CD8B: variants seen among roughly 807,000 people sequenced by gnomAD.
CD8B encodes the protein CD8 subunit beta.
A neutral mutation model predicts 24.2 loss-of-function variants in CD8B; 6 were observed. That is an observed-to-expected ratio of 0.25 (90% CI 0.14 to 0.49). CD8B has a LOEUF of 0.49. Among genes scored for constraint, CD8B ranks in the 20% least tolerant of loss-of-function variants. The pLI is 0.98. For missense variants in CD8B, 196 were observed against 271.3 expected, an observed-to-expected ratio of 0.72 and a Z score of 1.95; for synonymous variants, 84 against 108.3, an observed-to-expected ratio of 0.78 and a Z score of 1.39.
At chr2:86,817,249 G>C (rs767105957) in intron 5 of CD8B, among the ~76,000 whole-genome samples, 6 of 152,132 alleles carry the variant, frequency 3.9e-5, no homozygotes, top group Non-Finnish European at 7.3e-5. Context: ...GGGATATCTA[G>C]TAAAAATATC....
intron 2 of CD8B, 47 bp from the exon 3 acceptor site, chr2:86,853,133 G>A (rs1276083667): frequency 1.4e-5 from 21 of 1,548,146 alleles, no homozygotes; most frequent in Middle Eastern, 1.8e-4. Flanking sequence ...TGAACACCAC[G>A]TGGACTCAAA....
intron 5 of CD8B, among the ~76,000 whole-genome samples, chr2:86,832,192 GAGA>G (rs1280465678): frequency 4.6e-5 from 7 of 152,262 alleles, no homozygotes; most frequent in African/African-American, 1.7e-4. Context: ...AAAATAGTAA[GAGA>G]AGGATAGGTG....
At position 86,858,402 on chromosome 2, in the gene CD8B, A is replaced by C. The variant is rs1350377646; in HGVS notation, c.58T>G (p.Ser20Ala). ...AAQLTVLHGN[S>A]VLQQTPAYIK... ...TATGCAGGGGTCTGCTGGAGGACTG[A>C]GTTGCCATGGAGAACTAGGAAAAGC... The change falls in exon 2 of 6, where the codon TCA becomes GCA. Residue 20 changes from serine to alanine, a missense_variant. Ser to Ala is a moderately conservative substitution (Grantham distance 99). Coordinates refer to ENST00000390655, the MANE Select transcript of CD8B (RefSeq NM_004931.5). The C allele has an allele frequency of 1.4e-5, 22 of 1,592,072 alleles. No homozygotes were observed. The highest frequency in any genetic ancestry group is 1.9e-5 in the Non-Finnish European group (22 of 1,166,398).
chr2:86,821,818 G>A (rs962639657), intron 5 of CD8B: 7 of 342,228 alleles, frequency 2.0e-5, no homozygotes, highest in Admixed American at 5.6e-5. Context: ...GGAATGTTCC[G>A]AGCCCCCTGC....
intron 5 of CD8B, among the ~76,000 whole-genome samples, chr2:86,820,326 A>G (rs1674411798): frequency 1.3e-5 from 2 of 152,236 alleles, no homozygotes. Context: ...TGTGAAAGGA[A>G]GAGTCAATCA....
At chr2:86,854,044 C>G (rs985726715) in intron 2 of CD8B, among the ~76,000 whole-genome samples, 2 of 152,136 alleles carry the variant, frequency 1.3e-5, no homozygotes, top group East Asian at 3.9e-4. Flanking sequence ...CCCGGCCGAC[C>G]TACACCCCTG....
chr2:86,847,072 G>T (rs1675726712), intron 3 of CD8B, among the ~76,000 whole-genome samples: 1 of 151,614 alleles, frequency 6.6e-6, no homozygotes, highest in Non-Finnish European at 1.5e-5. Context: ...GAGTAGCTGG[G>T]ACTACAGGCA....
chr2:86,815,862 A>G, intron 5 of CD8B: 2 of 647,986 alleles, frequency 3.1e-6, no homozygotes, highest in South Asian at 3.6e-5. Context: ...CCAGGCATAT[A>G]GCACTTGATA....
chr2:86,853,171 G>C, intron 2 of CD8B, 85 bp from the exon 3 acceptor site: 1 of 1,546,108 alleles, frequency 6.5e-7, no homozygotes, highest in Non-Finnish European at 8.7e-7. Context: ...TGGCGGGTGC[G>C]GTGGCTCATG....
chr2:86,859,091 G>A (rs1348021652), intron 1 of CD8B, among the ~76,000 whole-genome samples: 1 of 151,976 alleles, frequency 6.6e-6, no homozygotes, highest in Non-Finnish European at 1.5e-5. Flanking sequence ...CAGCCCTTCG[G>A]TAGGCTCCAA....
At chr2:86,815,637 C>T in exon 6 of CD8B, 5 of 1,612,776 alleles carry the variant, frequency 3.1e-6, no homozygotes, top group Non-Finnish European at 4.2e-6. Context: ...GGTTAAGCAG[C>T]TTCTGTGAGG....
At position 86,853,013 on chromosome 2, in the gene CD8B, C is replaced by T. The variant is rs1445179093; in HGVS notation, c.477G>A (p.Arg159=). 1 of 1,535,840 alleles carries T rather than the reference C, an allele frequency of 6.5e-7. No homozygotes were observed. Among genetic ancestry groups the T allele is most frequent in the Non-Finnish European group, 8.8e-7 (1 of 1,140,064 alleles). The change falls in exon 3 of 6, where the codon AGG becomes AGA. Residue 159 remains arginine, a synonymous_variant. Coordinates refer to ENST00000390655, the MANE Select transcript of CD8B (RefSeq NM_004931.5). ...TLKKRVCRLP[R]PETQKGPLCS... is the part of the protein sequence containing the mutation. ...GGAACTCACCCTTCTGGGTCTCTGG[C>T]CTGGGTAACCGGCACACTCTCTTCT...
chr2:86,848,845 T>C (rs1675826760), intron 3 of CD8B, among the ~76,000 whole-genome samples: 1 of 152,146 alleles, frequency 6.6e-6, no homozygotes, highest in African/African-American at 2.4e-5. Context: ...GCCTCCTTAG[T>C]AGCTGGGATT....
At chr2:86,849,727 A>C (rs983430486) in intron 3 of CD8B, among the ~76,000 whole-genome samples, 1 of 138,766 alleles carries the variant, frequency 7.2e-6, no homozygotes, top group Admixed American at 7.4e-5. Flanking sequence ...TTTTTGAGAC[A>C]GGGTCTTGCT....
At chr2:86,837,235 G>A (rs1372111563), downstream of CD8B, among the ~76,000 whole-genome samples, 1 of 152,194 alleles carries the variant, frequency 6.6e-6, no homozygotes, top group Non-Finnish European at 1.5e-5. Flanking sequence ...TCTTAAAAGG[G>A]TACTCGCTTG....
intron 5 of CD8B, among the ~76,000 whole-genome samples, chr2:86,822,658 G>A (rs547462808): frequency 6.6e-6 from 1 of 152,182 alleles, no homozygotes; most frequent in Non-Finnish European, 1.5e-5. Context: ...TTCCCTTGCT[G>A]TTGTTTCTAG....
intron 1 of CD8B, among the ~76,000 whole-genome samples, chr2:86,861,373 C>G (rs551186482): frequency 6.6e-6 from 1 of 152,036 alleles, no homozygotes; most frequent in Non-Finnish European, 1.5e-5. Flanking sequence ...TGAGAACGCC[C>G]GATGTTTGTC....
At chr2:86,824,962 T>C (rs536690127) in intron 5 of CD8B, among the ~76,000 whole-genome samples, 4 of 152,228 alleles carry the variant, frequency 2.6e-5, no homozygotes, top group Non-Finnish European at 5.9e-5. Context: ...CTAGAACACA[T>C]AACTAATGCC....
chr2:86,853,049 C>A lies in CD8B; in HGVS notation c.441G>T (p.Lys147Asn), dbSNP rs758920524. The A allele has an allele frequency of 2.5e-5, 39 of 1,543,862 alleles. No homozygotes were observed. The highest frequency in any genetic ancestry group is 3.1e-5 in the Non-Finnish European group (35 of 1,143,826). The change falls in exon 3 of 6, where the codon AAG becomes AAT. Residue 147 changes from lysine (K) to asparagine (N), a missense_variant. Coordinates refer to ENST00000390655, the MANE Select transcript of CD8B (RefSeq NM_004931.5). ...GGCACACTCTCTTCTTGAGGGTGGA[C>A]TTCTTGGTGGGCTGGGCAGTGGTGG... is the stretch of plus-strand genomic sequence containing the variant. ...FLPTTAQPTKKSTLKKRVCRL... is the reference protein window; with the variant it reads ...FLPTTAQPTKNSTLKKRVCRL...
Sources: allele counts gnomAD v4.1 joint callset (sites outside exome capture counted in the v4.1 genomes callset), GRCh38; gene constraint gnomAD v4.1.1; transcripts MANE v1.5; gene names NCBI Gene and HGNC (gene_info 2026-07-23, HGNC 2026-07-21).